The following PPP4R2 variants were observed in gnomAD, a reference collection of about 807,000 sequenced individuals.
PPP4R2 encodes the protein serine/threonine-protein phosphatase 4 regulatory subunit 2.
PPP4R2 carries 13 observed loss-of-function variants against 47.2 expected under a neutral mutation model. The ratio of observed to expected loss-of-function variants is 0.28; its 90% confidence interval spans 0.18 to 0.44. The LOEUF (loss-of-function observed/expected upper bound fraction) is 0.44. Ranked by LOEUF, PPP4R2 falls within the 20% of genes least tolerant of loss-of-function variation. The probability of loss-of-function intolerance (pLI) is 1.00; values close to 1 mark genes in which losing one functional copy is unlikely to be tolerated. For missense variants in PPP4R2, 421 were observed against 491.2 expected, an observed-to-expected ratio of 0.86 and a Z score of 1.35; for synonymous variants, 151 against 163.3, an observed-to-expected ratio of 0.92 and a Z score of 0.57.
chr3:73,020,330 A>G (rs149164552), intron 2 of PPP4R2, among the ~76,000 whole-genome samples: 2 of 152,254 alleles, frequency 1.3e-5, no homozygotes, highest in East Asian at 3.9e-4. Context: ...CTGAGACTAC[A>G]AGCACACATC....
intron 2 of PPP4R2, among the ~76,000 whole-genome samples, chr3:73,024,953 G>T (rs1702034052): frequency 6.6e-6 from 1 of 152,078 alleles, no homozygotes; most frequent in African/African-American, 2.4e-5. Flanking sequence ...TGGAGCCCAG[G>T]GACCTCAGCA....
rs1702953712 is a variant in PPP4R2 at position 73,064,886 on chromosome 3, G to T, written c.673G>T (p.Val225Leu). Residue 225 changes from valine (V) to leucine (L), a missense_variant, in exon 8 of 9, where the codon GTG (valine) becomes TTG (leucine). Val to Leu is a conservative substitution (Grantham distance 32). This residue lies in a region of PPP4R2 where 317 missense variants were observed against 287.5 expected (regional missense o/e 1.10). Transcript: ENST00000356692. ...GACCTCTGAATCAGAAGTTTCCTCA[G>T]TGAGCCCTTTGAAAAATAAACATCC... ...SSTSESEVSS[V>L]SPLKNKHPDE... 5.0e-6 allele frequency: 8 copies of T among 1,613,126 alleles called. No individual in the cohort carries two copies. Among genetic ancestry groups the T allele is most frequent in the Non-Finnish European group, 5.9e-6 (7 of 1,179,512 alleles).
At chr3:73,043,093 G>A (rs1370330254) in intron 2 of PPP4R2, among the ~76,000 whole-genome samples, 7 of 108,466 alleles carry the variant, frequency 6.5e-5, no homozygotes, top group African/African-American at 1.6e-4. Context: ...CTGAACTCAC[G>A]CTATGAATTG....
rs1175531536 is a variant in PPP4R2, at chr3:73,043,971, A to G, written c.117-3215A>G. On this transcript the variant is annotated intron_variant, in intron 2 of 8. Transcript: ENST00000356692. The stretch of plus-strand genomic sequence containing the variant: ...AAATTGACTATTCTTGATAGCTCAT[A>G]TAAGTGGAATCATACAATAGTCGTT... Among the ~76,000 whole-genome samples, 3 of 152,216 alleles carry G rather than the reference A, an allele frequency of 2.0e-5. No individual in the cohort carries two copies. In the East Asian group the frequency reaches 5.8e-4, roughly 29 times the overall value.
chr3:73,045,758 C>T (rs1325946230), intron 2 of PPP4R2, among the ~76,000 whole-genome samples: 3 of 152,078 alleles, frequency 2.0e-5, no homozygotes, highest in Non-Finnish European at 4.4e-5. Flanking sequence ...AACTCCTGAC[C>T]TCAGGTGATC....
At chr3:73,032,680 T>C (rs1702189292) in intron 2 of PPP4R2, among the ~76,000 whole-genome samples, 1 of 152,218 alleles carries the variant, frequency 6.6e-6, no homozygotes, top group Non-Finnish European at 1.5e-5. Flanking sequence ...TCTGATTTCT[T>C]AGTAATGAAA....
chr3:73,054,202 G>A (rs1357402439), intron 3 of PPP4R2, among the ~76,000 whole-genome samples: 5 of 152,222 alleles, frequency 3.3e-5, no homozygotes, highest in African/African-American at 1.2e-4. Context: ...ACAGGCGTGA[G>A]CCGCCGTGCT....
At chr3:73,047,396 A>G in intron 3 of PPP4R2, 40 bp downstream of exon 3, 2 of 1,345,848 alleles carry the variant, frequency 1.5e-6, no homozygotes, top group Non-Finnish European at 2.0e-6. Flanking sequence ...AATTTTTAGC[A>G]GAAGATGAAT....
intron 2 of PPP4R2, among the ~76,000 whole-genome samples, chr3:73,010,645 G>A (rs1701704651): frequency 1.3e-5 from 2 of 151,596 alleles, no homozygotes. Context: ...TGCAGCCTCT[G>A]CCTCCCGGTT....
At chr3:73,037,556 A>C (rs1462010838) in intron 2 of PPP4R2, among the ~76,000 whole-genome samples, 1 of 152,172 alleles carries the variant, frequency 6.6e-6, no homozygotes. Flanking sequence ...GAGGTCAGGG[A>C]TGCAAATATC....
At chr3:73,036,972 T>C (rs4676897) in intron 2 of PPP4R2, among the ~76,000 whole-genome samples, 80,292 of 152,048 alleles carry the variant, frequency 0.53, 21,570 homozygotes, top group African/African-American at 0.62. Context: ...GTGGCAGTGC[T>C]AACTCATTTT....
In PPP4R2 at chr3:73,063,048, G is replaced by T. The variant is rs1215791737; in HGVS notation, c.420-625G>T. ...AAACAATGGTTAAAAAGGCATTGGG[G>T]AAATATTTTGAGTTTGGGGGTGTAC... On this transcript the variant is annotated intron_variant, in intron 5 of 8. Transcript: ENST00000356692. 10 of 774,964 alleles carry T rather than the reference G, an allele frequency of 1.3e-5. 1 individual carries two copies. Among genetic ancestry groups the T allele is most frequent in the Non-Finnish European group, 2.1e-5 (10 of 478,124 alleles). The allele number at this position is 774,964 out of a possible 1,614,324, so 48.0% of individuals were successfully genotyped here.
intron 3 of PPP4R2, among the ~76,000 whole-genome samples, chr3:73,054,899 T>G (rs1315167462): frequency 6.6e-6 from 1 of 152,186 alleles, no homozygotes; most frequent in African/African-American, 2.4e-5. Context: ...AATTTATCTT[T>G]TAAAAAATAG....
chr3:73,038,013 G>A (rs901434640), intron 2 of PPP4R2, among the ~76,000 whole-genome samples: 1 of 152,096 alleles, frequency 6.6e-6, no homozygotes, highest in African/African-American at 2.4e-5. Flanking sequence ...GGCTGAGTTG[G>A]TAGAATGAAA....
At chr3:73,026,689 GAGA>G (rs1702071034) in intron 2 of PPP4R2, among the ~76,000 whole-genome samples, 1 of 129,958 alleles carries the variant, frequency 7.7e-6, no homozygotes. Context: ...GAAACATTAT[GAGA>G]TTTTTGCGAT....
At chr3:73,030,292 A>G (rs113103135) in intron 2 of PPP4R2, among the ~76,000 whole-genome samples, 205 of 152,332 alleles carry the variant, frequency 1.3e-3, no homozygotes, top group African/African-American at 4.7e-3. Context: ...AGTTCCATCT[A>G]TGATAACAGG....
In PPP4R2 at chr3:72,997,088, C is replaced by T. The variant is rs936953443; in HGVS notation, c.34+17C>T. ...CGCTGAAAGGTGGGGGTAGCTGCCC[C>T]CTCTCCATTCCCCCTCACCTTCTCC... is the stretch of plus-strand genomic sequence containing the variant. On this transcript the variant is annotated intron_variant, in intron 1 of 8. Coordinates refer to ENST00000356692, the MANE Select transcript of PPP4R2 (RefSeq NM_174907.4). 3.6e-6 allele frequency: 5 copies of T among 1,374,706 alleles called. No individual in the cohort carries two copies. The Admixed American group carries it at 8.3e-5, about 23-fold the overall frequency. 85.2% of individuals were successfully genotyped at this position (1,374,706 alleles called of 1,614,324 possible). A position where few individuals can be genotyped will look rare whatever the true frequency, so the allele number is the denominator to read the frequency against.
intron 2 of PPP4R2, among the ~76,000 whole-genome samples, chr3:73,004,088 G>A (rs1387553244): frequency 6.6e-6 from 1 of 151,928 alleles, no homozygotes; most frequent in African/African-American, 2.4e-5. Flanking sequence ...TGCCTGTCTC[G>A]GCCTCCCAAA....
chr3:73,050,701 C>G lies in PPP4R2; in HGVS notation c.287+3345C>G, dbSNP rs138171957. Among the ~76,000 whole-genome samples the G allele has an allele frequency of 6.5e-3, 990 of 152,240 alleles. 17 individuals are homozygous for G. The highest frequency in any genetic ancestry group is 0.041 in the Admixed American group (632 of 15,294). On this transcript the variant is annotated intron_variant, in intron 3 of 8. Coordinates refer to ENST00000356692, the MANE Select transcript of PPP4R2 (RefSeq NM_174907.4). ...TCCTTTTAGAGAAGCTTCAACATGT[C>G]TATATTAGTACATTTAAAGCTATCT...
Sources: gnomAD v4.1 joint callset for allele counts (sites outside exome capture counted in the v4.1 genomes callset) on GRCh38, gnomAD v4.1.1 for gene constraint, gnomAD v4.1.1 regional missense constraint, MANE v1.5 for transcripts, NCBI Gene and HGNC (gene_info 2026-07-23, HGNC 2026-07-21) for gene names.